The following CADM2 variants were observed in gnomAD, a reference collection of about 807,000 sequenced individuals.
The protein encoded by CADM2 is cell adhesion molecule 2.
Under a neutral mutation model 49.8 loss-of-function variants are expected in CADM2, and 12 were observed. The ratio of observed to expected loss-of-function variants is 0.24; its 90% confidence interval spans 0.15 to 0.39. The LOEUF (loss-of-function observed/expected upper bound fraction) is 0.39, where lower values mean the gene tolerates loss of function less well. Among genes scored for constraint, CADM2 ranks in the 10% least tolerant of loss-of-function variants. CADM2 has a pLI of 1.00. For synonymous variants in CADM2, 214 were observed against 175.4 expected, an observed-to-expected ratio of 1.22 and a Z score of -1.74; for missense variants, 378 against 492.3, an observed-to-expected ratio of 0.77 and a Z score of 2.20.
intron 2 of CADM2, among the ~76,000 whole-genome samples, chr3:85,784,833 A>T (rs1195432501): frequency 2.0e-5 from 3 of 152,044 alleles, no homozygotes; most frequent in African/African-American, 7.2e-5. Flanking sequence ...CTCCTCCTTG[A>T]TTTTTTTGAA....
At chr3:85,232,976 A>G (rs546413764) in intron 1 of CADM2, among the ~76,000 whole-genome samples, 3 of 152,346 alleles carry the variant, frequency 2.0e-5, no homozygotes, top group African/African-American at 7.2e-5. Context: ...ATAATTGCCA[A>G]AAATGGGAAG....
chr3:86,006,819 T>C (rs1282538171), intron 8 of CADM2, among the ~76,000 whole-genome samples: 1 of 152,030 alleles, frequency 6.6e-6, no homozygotes, highest in African/African-American at 2.4e-5. Flanking sequence ...GGTGGGCAGA[T>C]CACCTGAGGT....
At chr3:85,302,092 A>T (rs2044115139) in intron 1 of CADM2, among the ~76,000 whole-genome samples, 1 of 152,034 alleles carries the variant, frequency 6.6e-6, no homozygotes, top group Non-Finnish European at 1.5e-5. Context: ...CAAACAACTG[A>T]ATTACTTTGC....
intron 2 of CADM2, among the ~76,000 whole-genome samples, chr3:85,734,565 A>T (rs1231459361): frequency 6.7e-6 from 1 of 149,804 alleles, no homozygotes; most frequent in Non-Finnish European, 1.5e-5. Flanking sequence ...ATGATTATAT[A>T]TAATTTGACA....
chr3:85,079,283 G>T (rs1004393894), intron 1 of CADM2, among the ~76,000 whole-genome samples: 11 of 151,648 alleles, frequency 7.3e-5, no homozygotes, highest in African/African-American at 2.7e-4. Flanking sequence ...ATTCACATAG[G>T]AAGTATGAGA....
intron 1 of CADM2, among the ~76,000 whole-genome samples, chr3:85,152,963 C>CA (rs61549751): frequency 0.016 from 1,279 of 80,338 alleles, 16 homozygotes; most frequent in African/African-American, 0.042. Flanking sequence ...GACTCCATCT[C>CA]AAAAAAAAAA....
At chr3:85,045,334 A>G (rs900901114) in intron 1 of CADM2, among the ~76,000 whole-genome samples, 1 of 152,158 alleles carries the variant, frequency 6.6e-6, no homozygotes, top group African/African-American at 2.4e-5. Context: ...TTAACAGTAG[A>G]AAACAGAGTG....
intron 8 of CADM2, among the ~76,000 whole-genome samples, chr3:86,022,502 A>G (rs1294657153): frequency 6.6e-6 from 1 of 152,168 alleles, no homozygotes; most frequent in Non-Finnish European, 1.5e-5. Context: ...ATTAGATAGC[A>G]TTAACATTGA....
intron 1 of CADM2, among the ~76,000 whole-genome samples, chr3:85,557,732 A>G (rs889686137): frequency 1.7e-4 from 26 of 152,014 alleles, no homozygotes; most frequent in Non-Finnish European, 4.4e-5. Flanking sequence ...AAAAGCTACA[A>G]ATAGACAAAT....
intron 1 of CADM2, among the ~76,000 whole-genome samples, chr3:85,447,090 CA>C (rs2037505199): frequency 7.3e-6 from 1 of 137,010 alleles, no homozygotes; most frequent in Non-Finnish European, 1.5e-5. Context: ...TATGGTAATA[CA>C]ATTTGAAAAT....
chr3:85,916,881 G>A (rs1277700367), intron 6 of CADM2, among the ~76,000 whole-genome samples: 2 of 152,134 alleles, frequency 1.3e-5, no homozygotes, highest in East Asian at 1.9e-4. Context: ...GTGTGAGGTG[G>A]TATCTCACTG....
At chr3:85,412,349 G>T (rs1241440452) in intron 1 of CADM2, among the ~76,000 whole-genome samples, 1 of 152,004 alleles carries the variant, frequency 6.6e-6, no homozygotes, top group Non-Finnish European at 1.5e-5. Flanking sequence ...ATAATAATTA[G>T]TTCTATTGCC....
chr3:85,700,916 C>T (rs548554301), intron 1 of CADM2, among the ~76,000 whole-genome samples: 89 of 152,234 alleles, frequency 5.8e-4, no homozygotes, highest in Non-Finnish European at 8.1e-4. Flanking sequence ...TTCACAATTT[C>T]GGATATCTTT....
chr3:85,969,156 A>G (rs1033456354), intron 8 of CADM2, among the ~76,000 whole-genome samples: 6 of 151,556 alleles, frequency 4.0e-5, no homozygotes, highest in Admixed American at 1.3e-4. Context: ...TTTTAAATGC[A>G]TATCTCTTCA....
intron 1 of CADM2, among the ~76,000 whole-genome samples, chr3:85,703,265 A>C (rs1029308147): frequency 6.6e-6 from 1 of 152,148 alleles, no homozygotes; most frequent in Admixed American, 6.5e-5. Flanking sequence ...GGTGATTAGC[A>C]GGATCAGCAC....
intron 8 of CADM2, among the ~76,000 whole-genome samples, chr3:86,025,048 G>GGT (rs1553725250): frequency 2.0e-5 from 3 of 148,844 alleles, no homozygotes; most frequent in Admixed American, 2.0e-4. Context: ...CTGACTAGTT[G>GGT]TTTTTTTTTG....
At position 85,449,052 on chromosome 3, in the gene CADM2, A is replaced by AAATAATAATAATAATAATAATAATAAT. The variant is rs55971962; in HGVS notation, c.62-277446_62-277445insAATAATAATAATAATAATAATAATAAT. On this transcript the variant is annotated intron_variant, in intron 1 of 9. Coordinates refer to ENST00000383699, the MANE Select transcript of CADM2 (RefSeq NM_001167675.2). ...GCAAAGGGGCGAGACTCCAACTCAA[A>AAATAATAATAATAATAATAATAATAAT]AATAATAATAATAATAATAATAATG... Among the ~76,000 whole-genome samples, 141 of 107,434 alleles carry AAATAATAATAATAATAATAATAATAAT rather than the reference A, an allele frequency of 1.3e-3. 1 individual carries two copies. The highest frequency in any genetic ancestry group is 2.2e-3 in the South Asian group (7 of 3,232). 70.5% of individuals were successfully genotyped at this position (107,434 alleles called of 152,430 possible). A position where few individuals can be genotyped will look rare whatever the true frequency, so the allele number is the denominator to read the frequency against.
intron 1 of CADM2, among the ~76,000 whole-genome samples, chr3:84,967,915 ATG>A (rs1462152104): frequency 3.9e-5 from 6 of 152,188 alleles, no homozygotes; most frequent in African/African-American, 1.2e-4. Context: ...GGGGAAAGGA[ATG>A]TGAGTCAGCC....
intron 1 of CADM2, among the ~76,000 whole-genome samples, chr3:85,330,521 A>G (rs1194761034): frequency 6.6e-6 from 1 of 152,102 alleles, no homozygotes; most frequent in African/African-American, 2.4e-5. Context: ...TTTTTTCTTT[A>G]TTCCTTTCTA....
Sources: gnomAD v4.1 joint callset for allele counts (sites outside exome capture counted in the v4.1 genomes callset) on GRCh38, gnomAD v4.1.1 for gene constraint, MANE v1.5 for transcripts, NCBI Gene and HGNC (gene_info 2026-07-23, HGNC 2026-07-21) for gene names.